Variants in SLC8A3 observed in about 807,000 individuals in gnomAD.
SLC8A3 encodes the protein solute carrier family 8 member A3.
In SLC8A3, 37 loss-of-function variants were observed where a neutral mutation model predicts 65.4. That is an observed-to-expected ratio of 0.57 (90% confidence interval 0.44 to 0.74). The LOEUF (loss-of-function observed/expected upper bound fraction) is 0.74. Among genes scored for constraint, SLC8A3 ranks in the 30% least tolerant of loss-of-function variants. The pLI, the probability that SLC8A3 is intolerant of heterozygous loss-of-function variation, is 0.00. For synonymous variants in SLC8A3, 461 were observed against 444.5 expected (o/e 1.04, Z -0.47); for missense variants, 1,112 against 1,172.1 (o/e 0.95, Z 0.75).
At chr14:70,113,592 C>T (rs1893456072) in intron 2 of SLC8A3, among the ~76,000 whole-genome samples, 1 of 152,064 alleles carries the variant, frequency 6.6e-6, no homozygotes, top group Non-Finnish European at 1.5e-5. Context: ...CATTTGTATT[C>T]CAGAAGATGC....
chr14:70,189,320 C>G (rs565628183), upstream of SLC8A3, among the ~76,000 whole-genome samples: 6 of 152,306 alleles, frequency 3.9e-5, no homozygotes, highest in Admixed American at 2.6e-4. Flanking sequence ...TGGATTCCGC[C>G]GAGTTGGGAG....
intron 2 of SLC8A3, among the ~76,000 whole-genome samples, chr14:70,104,573 C>T (rs1024275290): frequency 6.6e-6 from 1 of 152,048 alleles, no homozygotes; most frequent in African/African-American, 2.4e-5. Flanking sequence ...ATTCTTAATA[C>T]ATTTCAAAAG....
chr14:70,122,313 C>A (rs973719394), intron 2 of SLC8A3, among the ~76,000 whole-genome samples: 47 of 152,324 alleles, frequency 3.1e-4, no homozygotes, highest in African/African-American at 1.1e-3. Flanking sequence ...ACAGAAGACT[C>A]ATTTCTCAGC....
intron 2 of SLC8A3, among the ~76,000 whole-genome samples, chr14:70,098,089 C>T (rs1003668382): frequency 2.0e-5 from 3 of 152,162 alleles, no homozygotes; most frequent in Non-Finnish European, 4.4e-5. Context: ...GCATAAGTGT[C>T]ACCCTGGCTG....
At chr14:70,086,401 C>CTTT (rs10605312) in intron 2 of SLC8A3, among the ~76,000 whole-genome samples, 2 of 116,148 alleles carry the variant, frequency 1.7e-5, no homozygotes, top group Non-Finnish European at 3.6e-5. Flanking sequence ...TTTCTTTTTT[C>CTTT]TTTTTTTTTT....
chr14:70,095,346 C>T (rs1391586519), intron 2 of SLC8A3, among the ~76,000 whole-genome samples: 1 of 152,338 alleles, frequency 6.6e-6, no homozygotes, highest in East Asian at 1.9e-4. Flanking sequence ...ACCACATTTC[C>T]TGTAGAAATC....
At chr14:70,180,593 G>C (rs1232739759) in intron 1 of SLC8A3, among the ~76,000 whole-genome samples, 1 of 152,206 alleles carries the variant, frequency 6.6e-6, no homozygotes, top group African/African-American at 2.4e-5. Flanking sequence ...ACTGGGGAGA[G>C]AGTACAGTGG....
chr14:70,142,177 CATTCAACCA>C (rs1895621606), intron 2 of SLC8A3, among the ~76,000 whole-genome samples: 1 of 152,232 alleles, frequency 6.6e-6, no homozygotes, highest in Admixed American at 6.5e-5. Flanking sequence ...GGAGGGTGAC[CATTCAACCA>C]ATTCATGTTA....
rs1373854780 is a variant in SLC8A3, at chr14:70,167,859, C to T, written c.564G>A (p.Val188=). The T allele has an allele frequency of 3.1e-6, 5 of 1,614,110 alleles. No homozygotes were observed. The highest frequency in any genetic ancestry group is 2.2e-5 in the South Asian group (2 of 91,074). The change falls in exon 2 of 7, where the codon GTG becomes GTA. Residue 188 remains valine, a synonymous_variant. Coordinates refer to ENST00000356921, the MANE Select transcript of SLC8A3 (RefSeq NM_182932.3). ...MFIIIGICVY[V]IPDGETRKIK... is the part of the protein sequence containing the mutation. Reference sequence around the variant, plus strand: ...TCTTGCGAGTCTCTCCGTCTGGGATCACGTAGACACAGATGCCAATGATGA... The same window carrying T: ...TCTTGCGAGTCTCTCCGTCTGGGATTACGTAGACACAGATGCCAATGATGA...
Position 70,167,800 on chromosome 14 carries a change from G to A in SLC8A3, c.623C>T (p.Ala208Val), listed in dbSNP as rs767788178. ...KHLRVFFITA[A>V]WSIFAYIWLY... ...CCAGATGTAGGCAAAGATACTCCAA[G>A]CAGCGGTGATGAAGAAGACTCGTAG... The change falls in exon 2 of 7, where the codon GCT becomes GTT. Residue 208 changes from alanine to valine, a missense_variant. Physicochemically the swap from Ala to Val is moderately conservative, Grantham distance 64 (BLOSUM62 0). Coordinates refer to ENST00000356921, the MANE Select transcript of SLC8A3 (RefSeq NM_182932.3). 1 of 1,614,142 alleles carries A rather than the reference G, an allele frequency of 6.2e-7. No individual in the cohort carries two copies. The highest frequency in any genetic ancestry group is 1.7e-5 in the Admixed American group (1 of 60,016).
chr14:70,054,506 T>G (rs1394884697), intron 3 of SLC8A3, among the ~76,000 whole-genome samples: 1 of 149,448 alleles, frequency 6.7e-6, no homozygotes, highest in Non-Finnish European at 1.5e-5. Flanking sequence ...GTTATGCATT[T>G]ATGTGAGGGG....
At chr14:70,127,961 C>G (rs1894581563) in intron 2 of SLC8A3, among the ~76,000 whole-genome samples, 1 of 152,106 alleles carries the variant, frequency 6.6e-6, no homozygotes, top group South Asian at 2.1e-4. Context: ...TCCTGAATTC[C>G]AGGATAGGAT....
chr14:70,144,165 A>G (rs959301053), intron 2 of SLC8A3, among the ~76,000 whole-genome samples: 1 of 152,096 alleles, frequency 6.6e-6, no homozygotes, highest in African/African-American at 2.4e-5. Flanking sequence ...GATTGAAAGC[A>G]TACATTCTGG....
At chr14:70,061,968 T>C (rs1216115945) in intron 2 of SLC8A3, among the ~76,000 whole-genome samples, 1 of 152,162 alleles carries the variant, frequency 6.6e-6, no homozygotes, top group African/African-American at 2.4e-5. Flanking sequence ...TGGCTCTTTG[T>C]CATGTGGAGA....
chr14:70,064,605 T>C (rs2139859793), intron 2 of SLC8A3, among the ~76,000 whole-genome samples: 1 of 152,140 alleles, frequency 6.6e-6, no homozygotes, highest in Non-Finnish European at 1.5e-5. Context: ...ATTCTGGCAA[T>C]TCACAGAGGG....
At chr14:70,112,490 C>T (rs1893373957) in intron 2 of SLC8A3, among the ~76,000 whole-genome samples, 1 of 152,136 alleles carries the variant, frequency 6.6e-6, no homozygotes, top group Non-Finnish European at 1.5e-5. Context: ...AGACAATTCA[C>T]AGGTTTCACA....
chr14:70,109,675 A>G (rs8022221), intron 2 of SLC8A3, among the ~76,000 whole-genome samples: 11,065 of 152,054 alleles, frequency 0.073, 516 homozygotes, highest in Middle Eastern at 0.13. Context: ...GCTGGTCTCG[A>G]AAAGTCCTAA....
chr14:70,171,086 A>G (rs1266225459), intron 1 of SLC8A3, among the ~76,000 whole-genome samples: 4 of 152,246 alleles, frequency 2.6e-5, no homozygotes, highest in Admixed American at 2.6e-4. Flanking sequence ...TTGACCTCTG[A>G]AAACCCTGAC....
At chr14:70,165,676 A>G (rs1308793398) in intron 2 of SLC8A3, among the ~76,000 whole-genome samples, 1 of 152,178 alleles carries the variant, frequency 6.6e-6, no homozygotes, top group Non-Finnish European at 1.5e-5. Context: ...AAGCTATCCA[A>G]CTGGAAAAAG....
Sources: gnomAD v4.1 joint callset for allele counts (sites outside exome capture counted in the v4.1 genomes callset) on GRCh38, gnomAD v4.1.1 for gene constraint, MANE v1.5 for transcripts, NCBI Gene and HGNC (gene_info 2026-07-23, HGNC 2026-07-21) for gene names.